AFG2A: variants seen among roughly 807,000 people sequenced by gnomAD.
The protein encoded by AFG2A is AAA ATPase AFG2A.
the AFG2A span, among the ~76,000 whole-genome samples, chr4:122,925,406 C>T: frequency 5.3e-5 from 8 of 152,270 alleles, no homozygotes; most frequent in Admixed American, 4.6e-4. Flanking sequence ...TTCTGGGCTC[C>T]CACTGCTGTC....
chr4:123,137,742 C>T, the AFG2A span, among the ~76,000 whole-genome samples: 124 of 152,122 alleles, frequency 8.2e-4, 1 homozygote, highest in Non-Finnish European at 1.5e-3. Flanking sequence ...TGTTTGCTTC[C>T]GTTTTTCATT....
the AFG2A span, among the ~76,000 whole-genome samples, chr4:123,311,854 T>C: frequency 2.0e-5 from 3 of 152,200 alleles, no homozygotes; most frequent in African/African-American, 7.2e-5. Flanking sequence ...TTTCTTCTTC[T>C]GCCAGTTTGA....
the AFG2A span, chr4:122,934,580 C>G: frequency 6.2e-7 from 1 of 1,613,694 alleles, no homozygotes; most frequent in Non-Finnish European, 8.5e-7. Context: ...TCTTCAACAA[C>G]AAGAGTCAAT....
chr4:123,281,839 A>G, the AFG2A span, among the ~76,000 whole-genome samples: 2 of 152,206 alleles, frequency 1.3e-5, no homozygotes, highest in African/African-American at 4.8e-5. Flanking sequence ...TAGCCAATCC[A>G]AAAAGGCTAC....
the AFG2A span, among the ~76,000 whole-genome samples, chr4:123,181,792 A>G: frequency 2.7e-4 from 41 of 152,104 alleles, no homozygotes; most frequent in Non-Finnish European, 5.1e-4. Flanking sequence ...TTCTCTGGCT[A>G]TTTTATGAAG....
chr4:123,155,389 A>G, the AFG2A span, among the ~76,000 whole-genome samples: 1 of 151,966 alleles, frequency 6.6e-6, no homozygotes, highest in South Asian at 2.1e-4. Flanking sequence ...TATCCCTATT[A>G]TGTAATTTTT....
At chr4:123,186,900 A>G in the AFG2A span, among the ~76,000 whole-genome samples, 1 of 152,256 alleles carries the variant, frequency 6.6e-6, no homozygotes, top group Non-Finnish European at 1.5e-5. Context: ...TGTACCTGCA[A>G]AGCTCTAATG....
the AFG2A span, among the ~76,000 whole-genome samples, chr4:123,045,636 C>T: frequency 3.3e-5 from 5 of 152,110 alleles, no homozygotes; most frequent in Non-Finnish European, 2.9e-5. Context: ...AAGGATGCTG[C>T]ATTCTTCTCA....
the AFG2A span, among the ~76,000 whole-genome samples, chr4:122,963,188 TG>T: frequency 6.6e-6 from 1 of 152,140 alleles, no homozygotes; most frequent in Non-Finnish European, 1.5e-5. Context: ...CACAGGGAAA[TG>T]GAACAGTATA....
chr4:123,141,119 G>C, the AFG2A span, among the ~76,000 whole-genome samples: 1 of 152,106 alleles, frequency 6.6e-6, no homozygotes, highest in Non-Finnish European at 1.5e-5. Context: ...GTTTTCATGT[G>C]TTTAAAAGTC....
the AFG2A span, among the ~76,000 whole-genome samples, chr4:123,200,710 A>T: frequency 6.6e-6 from 1 of 152,192 alleles, no homozygotes; most frequent in African/African-American, 2.4e-5. Context: ...GCATGTTGGC[A>T]GTTGAGAGGC....
chr4:123,132,034 G>GTGATC, the AFG2A span, among the ~76,000 whole-genome samples: 1 of 151,986 alleles, frequency 6.6e-6, no homozygotes, highest in Non-Finnish European at 1.5e-5. Flanking sequence ...CATTGTGATT[G>GTGATC]TGATCTGTAC....
At chr4:123,279,005 C>T in the AFG2A span, among the ~76,000 whole-genome samples, 1 of 152,022 alleles carries the variant, frequency 6.6e-6, no homozygotes, top group African/African-American at 2.4e-5. Context: ...TAAATGGCAC[C>T]ATATATCTCT....
the AFG2A span, among the ~76,000 whole-genome samples, chr4:123,097,935 G>C: frequency 2.0e-5 from 3 of 152,090 alleles, no homozygotes; most frequent in South Asian, 2.1e-4. Flanking sequence ...TTTAAAAGTG[G>C]TTTTTTGTGA....
the AFG2A span, among the ~76,000 whole-genome samples, chr4:123,261,155 T>G: frequency 6.6e-6 from 1 of 152,328 alleles, no homozygotes; most frequent in South Asian, 2.1e-4. Context: ...TGTTGGGGAC[T>G]GCTGCTATGG....
chr4:122,949,241 TC>T, the AFG2A span, among the ~76,000 whole-genome samples: 42 of 152,336 alleles, frequency 2.8e-4, no homozygotes, highest in African/African-American at 9.9e-4. Flanking sequence ...TATCTCTGTC[TC>T]ACTGCTGTCA....
the AFG2A span, among the ~76,000 whole-genome samples, chr4:123,304,537 C>A: frequency 6.6e-6 from 1 of 152,328 alleles, no homozygotes; most frequent in South Asian, 2.1e-4. Context: ...GCACCACAAT[C>A]ATCGCCAGCT....
chr4:123,000,095 G>T, the AFG2A span, among the ~76,000 whole-genome samples: 1 of 149,266 alleles, frequency 6.7e-6, no homozygotes, highest in Non-Finnish European at 1.5e-5. Flanking sequence ...TCATGATTTG[G>T]CTCTCTGTTT....
At chr4:123,149,309 A>G in the AFG2A span, among the ~76,000 whole-genome samples, 2 of 152,222 alleles carry the variant, frequency 1.3e-5, no homozygotes, top group Non-Finnish European at 2.9e-5. Context: ...TAATAGGCCA[A>G]TGGACTGGAA....
Sources: allele counts gnomAD v4.1 joint callset (sites outside exome capture counted in the v4.1 genomes callset), GRCh38; gene constraint gnomAD v4.1.1; transcripts MANE v1.5; gene names NCBI Gene and HGNC (gene_info 2026-07-23, HGNC 2026-07-21).